TRIO: variants seen among roughly 807,000 people sequenced by gnomAD.
TRIO encodes triple functional domain protein.
TRIO carries 58 observed loss-of-function variants against 351.9 expected under a neutral mutation model. The ratio of observed to expected loss-of-function variants is 0.16; its 90% confidence interval spans 0.13 to 0.21. The LOEUF (loss-of-function observed/expected upper bound fraction) is 0.21. Ranked by LOEUF, TRIO falls within the 10% of genes least tolerant of loss-of-function variation. The probability of loss-of-function intolerance (pLI) is 1.00; values close to 1 mark genes in which losing one functional copy is unlikely to be tolerated. For missense variants in TRIO, 3,201 were observed against 4,027.8 expected, an observed-to-expected ratio of 0.79 and a Z score of 5.56; for synonymous variants, 1,758 against 1,595.7, an observed-to-expected ratio of 1.10 and a Z score of -2.42.
chr5:14,165,592 C>T (rs560559063), intron 1 of TRIO, among the ~76,000 whole-genome samples: 1 of 152,076 alleles, frequency 6.6e-6, no homozygotes, highest in African/African-American at 2.4e-5. Context: ...CCTGTTGACC[C>T]TCTGTCTGTC....
At chr5:14,152,351 T>G (rs1787887789) in intron 1 of TRIO, among the ~76,000 whole-genome samples, 1 of 142,864 alleles carries the variant, frequency 7.0e-6, no homozygotes, top group Non-Finnish European at 1.6e-5. Context: ...GCAGGATGTA[T>G]TTCAGTTTTT....
chr5:14,329,553 C>T (rs1726899965), intron 9 of TRIO, among the ~76,000 whole-genome samples: 1 of 152,182 alleles, frequency 6.6e-6, no homozygotes, highest in Admixed American at 6.5e-5. Context: ...TGAAGCCCTA[C>T]ATTTCTGTTG....
intron 9 of TRIO, 136 bp downstream of exon 9, chr5:14,316,879 G>A (rs1302913180): frequency 6.6e-6 from 7 of 1,057,940 alleles, no homozygotes; most frequent in Non-Finnish European, 9.5e-6. Context: ...TTTGTTGAAT[G>A]TAAGTGAAAA....
Position 14,509,728 on chromosome 5 carries a change from G to T in TRIO, c.*1306G>T, listed in dbSNP as rs1168301413. On this transcript the variant is annotated 3_prime_UTR_variant, in exon 57 of 57. Transcript: ENST00000344204. ...GCTGGTACCCAATGCCCGAGTCACT[G>T]TGGCAGCATTCGCACTGGTGTGGGG... 1.3e-5 allele frequency: 4 copies of T among 316,160 alleles called. No individual in the cohort carries two copies. The highest frequency in any genetic ancestry group is 2.4e-5 in the Non-Finnish European group (4 of 164,666). The allele number at this position is 316,160 out of a possible 1,614,324, so 19.6% of individuals were successfully genotyped here.
chr5:14,436,217 A>C (rs1001981300), intron 34 of TRIO, among the ~76,000 whole-genome samples: 4 of 152,200 alleles, frequency 2.6e-5, no homozygotes, highest in Non-Finnish European at 4.4e-5. Flanking sequence ...GCAAGGAGGA[A>C]CAAGTCACAT....
At chr5:14,318,454 CA>C (rs35221462) in intron 9 of TRIO, among the ~76,000 whole-genome samples, 63,649 of 115,280 alleles carry the variant, frequency 0.55, 15,451 homozygotes, top group East Asian at 0.62. Context: ...GACTCCATCT[CA>C]AAAAAAAAAA....
intron 31 of TRIO, among the ~76,000 whole-genome samples, chr5:14,403,181 G>A (rs1294685923): frequency 7.5e-6 from 1 of 133,138 alleles, no homozygotes; most frequent in African/African-American, 2.9e-5. Context: ...GAGGGTGCAG[G>A]TTGTGGTGAG....
chr5:14,373,891 G>A (rs1287740414), intron 18 of TRIO, among the ~76,000 whole-genome samples: 1 of 152,224 alleles, frequency 6.6e-6, no homozygotes. Context: ...CTTAGGCTGT[G>A]ATCCAGGGTC....
intron 36 of TRIO, among the ~76,000 whole-genome samples, chr5:14,463,489 G>A (rs1189030483): frequency 6.6e-6 from 1 of 152,330 alleles, no homozygotes; most frequent in East Asian, 1.9e-4. Context: ...GGAGCTTCAA[G>A]CCATGAAAGT....
At chr5:14,276,266 G>A (rs115698988) in intron 2 of TRIO, among the ~76,000 whole-genome samples, 2,557 of 152,292 alleles carry the variant, frequency 0.017, 38 homozygotes, top group Middle Eastern at 0.037. Context: ...TAGCATAGTG[G>A]GAGCTGGCAG....
intron 1 of TRIO, among the ~76,000 whole-genome samples, chr5:14,209,489 A>G (rs1399611478): frequency 6.6e-6 from 1 of 152,112 alleles, no homozygotes; most frequent in Non-Finnish European, 1.5e-5. Flanking sequence ...TTTCTCCTGT[A>G]AATAGTTTAG....
intron 48 of TRIO, chr5:14,490,871 C>T: frequency 2.2e-6 from 1 of 455,966 alleles, no homozygotes; most frequent in South Asian, 1.5e-5. Context: ...AATCTCAGTA[C>T]TCTTGGGCAT....
intron 3 of TRIO, among the ~76,000 whole-genome samples, chr5:14,283,159 T>C (rs1736147741): frequency 6.6e-6 from 1 of 152,338 alleles, no homozygotes; most frequent in Admixed American, 6.5e-5. Context: ...CTTGTGATTT[T>C]GCTTATGTGT....
intron 34 of TRIO, among the ~76,000 whole-genome samples, chr5:14,421,603 GA>G (rs377508422): frequency 0.029 from 3,134 of 109,184 alleles, 84 homozygotes; most frequent in African/African-American, 0.084. Flanking sequence ...GACTCCATCT[GA>G]AAAAAAAAAA....
At chr5:14,445,977 G>A (rs578062747) in intron 34 of TRIO, among the ~76,000 whole-genome samples, 1 of 152,324 alleles carries the variant, frequency 6.6e-6, no homozygotes, top group South Asian at 2.1e-4. Context: ...TCCCACTGTC[G>A]CCTCCGGTCT....
intron 34 of TRIO, among the ~76,000 whole-genome samples, chr5:14,455,561 C>T (rs564568183): frequency 6.7e-6 from 1 of 149,016 alleles, no homozygotes; most frequent in African/African-American, 2.6e-5. Context: ...TTCTCCAAGG[C>T]CCCACTAGAT....
intron 7 of TRIO, among the ~76,000 whole-genome samples, chr5:14,297,725 T>TC (rs1342982581): frequency 6.6e-6 from 1 of 152,182 alleles, no homozygotes; most frequent in Non-Finnish European, 1.5e-5. Flanking sequence ...GGTTTAGTTT[T>TC]CTCACAAACT....
chr5:14,438,759 G>A (rs746191547), intron 34 of TRIO, among the ~76,000 whole-genome samples: 2 of 152,200 alleles, frequency 1.3e-5, no homozygotes, highest in Non-Finnish European at 2.9e-5. Context: ...CTCTCCCATC[G>A]GTCATTTACT....
intron 34 of TRIO, among the ~76,000 whole-genome samples, chr5:14,432,320 A>C (rs1751223661): frequency 6.6e-6 from 1 of 152,258 alleles, no homozygotes; most frequent in Non-Finnish European, 1.5e-5. Context: ...GCCACTGTAC[A>C]TACTGCTGTC....
Sources: allele counts gnomAD v4.1 joint callset (sites outside exome capture counted in the v4.1 genomes callset), GRCh38; gene constraint gnomAD v4.1.1; transcripts MANE v1.5; gene names NCBI Gene and HGNC (gene_info 2026-07-23, HGNC 2026-07-21).